Variants in FAM13A observed in about 807,000 individuals in gnomAD.
FAM13A encodes the protein family with sequence similarity 13 member A.
Under a neutral mutation model 129.6 loss-of-function variants are expected in FAM13A, and 76 were observed. That is an observed-to-expected ratio of 0.59 (90% CI 0.49 to 0.71). FAM13A has a LOEUF of 0.71. FAM13A is among the 30% of genes least tolerant of loss of function. FAM13A has a pLI of 0.00. For missense variants in FAM13A, 1,108 were observed against 1,249.3 expected, an observed-to-expected ratio of 0.89 and a Z score of 1.70; for synonymous variants, 443 against 449.9, an observed-to-expected ratio of 0.98 and a Z score of 0.20.
chr4:88,827,506 G>A (rs1175938750), intron 7 of FAM13A, among the ~76,000 whole-genome samples: 1 of 152,154 alleles, frequency 6.6e-6, no homozygotes, highest in African/African-American at 2.4e-5. Context: ...ATAGTTAAGT[G>A]CTCAATAATT....
In FAM13A at chr4:89,057,166, T is replaced by TGGAA. The variant is rs1772297400; in HGVS notation, c.-206_-203dup. On this transcript the variant is annotated 5_prime_UTR_variant, in exon 1 of 24. Coordinates refer to ENST00000264344, the MANE Select transcript of FAM13A (RefSeq NM_014883.4). ...TCTCTTTCCGCTGAACCCACATGGCTGGAAGGACTGCCTGGAGTTGAAATT... is the reference window on the plus strand; with the variant it reads ...TCTCTTTCCGCTGAACCCACATGGCTGGAAGGAAGGACTGCCTGGAGTTGAAATT... 9 of 1,421,894 alleles carry TGGAA rather than the reference T, an allele frequency of 6.3e-6. No homozygotes were observed. Among genetic ancestry groups the TGGAA allele is most frequent in the Non-Finnish European group, 8.3e-6 (9 of 1,089,660 alleles). The allele number at this position is 1,421,894 out of a possible 1,614,324, so 88.1% of individuals were successfully genotyped here. A position where few individuals can be genotyped will look rare whatever the true frequency, so the allele number is the denominator to read the frequency against.
chr4:88,766,577 T>A (rs561260403), intron 13 of FAM13A, among the ~76,000 whole-genome samples: 4 of 152,338 alleles, frequency 2.6e-5, no homozygotes, highest in East Asian at 3.9e-4. Flanking sequence ...GCACATTTTT[T>A]AATGATAATA....
At chr4:89,045,624 C>G (rs1353415733) in intron 1 of FAM13A, among the ~76,000 whole-genome samples, 2 of 152,172 alleles carry the variant, frequency 1.3e-5, no homozygotes, top group Non-Finnish European at 2.9e-5. Context: ...AAGCAAAAAT[C>G]ATGCACTATG....
At chr4:88,872,113 C>T (rs1314202667) in intron 6 of FAM13A, among the ~76,000 whole-genome samples, 2 of 152,136 alleles carry the variant, frequency 1.3e-5, no homozygotes, top group Non-Finnish European at 2.9e-5. Flanking sequence ...TTTGTCACCA[C>T]CAGGCCTGCC....
intron 6 of FAM13A, among the ~76,000 whole-genome samples, chr4:88,876,948 A>G (rs1484157786): frequency 6.6e-6 from 1 of 152,214 alleles, no homozygotes; most frequent in Non-Finnish European, 1.5e-5. Flanking sequence ...ATTAATTCAC[A>G]TAGCTACTTA....
At chr4:88,731,061 AG>A (rs1459604763) in intron 23 of FAM13A, among the ~76,000 whole-genome samples, 2 of 152,222 alleles carry the variant, frequency 1.3e-5, no homozygotes, top group Non-Finnish European at 2.9e-5. Context: ...TTGATGGGAC[AG>A]GTTCATTTCA....
chr4:88,848,317 T>C (rs181038745), intron 7 of FAM13A, among the ~76,000 whole-genome samples: 227 of 152,276 alleles, frequency 1.5e-3, no homozygotes, highest in African/African-American at 5.1e-3. Context: ...GGCCAGCTGG[T>C]CTCTGGATTC....
chr4:88,944,391 T>C (rs1305293416), intron 4 of FAM13A, among the ~76,000 whole-genome samples: 1 of 152,210 alleles, frequency 6.6e-6, no homozygotes, highest in Middle Eastern at 3.2e-3. Context: ...TATAACATCA[T>C]GTAACTGGAA....
intron 4 of FAM13A, among the ~76,000 whole-genome samples, chr4:88,946,044 T>C (rs1270439508): frequency 7.7e-6 from 1 of 129,160 alleles, no homozygotes. Context: ...TCAGCTGTTC[T>C]AGCTTGCTCT....
intron 4 of FAM13A, among the ~76,000 whole-genome samples, chr4:88,963,117 T>A (rs914023272): frequency 6.6e-6 from 1 of 152,106 alleles, no homozygotes; most frequent in African/African-American, 2.4e-5. Flanking sequence ...TTTATGAAAC[T>A]AATGTTACTT....
chr4:88,887,530 C>CTTTTTTTTTTT (rs33953927), intron 6 of FAM13A, among the ~76,000 whole-genome samples: 1 of 128,756 alleles, frequency 7.8e-6, no homozygotes. Context: ...ACCTTTCTTT[C>CTTTTTTTTTTT]TTTCTTTTTT....
At chr4:88,772,944 T>C (rs766959022) in intron 11 of FAM13A, among the ~76,000 whole-genome samples, 4 of 152,178 alleles carry the variant, frequency 2.6e-5, no homozygotes, top group Non-Finnish European at 5.9e-5. Context: ...AGGAGACTGA[T>C]ATAAGTTAGA....
In FAM13A at chr4:89,020,463, G is replaced by GA; in HGVS notation, c.423dup (p.Gln142SerfsTer6). ...TAAAAGGATTTATTGTACTAACCCT[G>GA]AAAGAGTTGAATGAATCGAGGCTGC... On this transcript the variant is annotated frameshift_variant, in exon 3 of 24. Coordinates refer to ENST00000264344, the MANE Select transcript of FAM13A (RefSeq NM_014883.4). LOFTEE classifies it high-confidence loss of function. The GA allele has an allele frequency of 6.2e-7, 1 of 1,612,088 alleles. No individual in the cohort carries two copies. Among genetic ancestry groups the GA allele is most frequent in the Non-Finnish European group, 8.5e-7 (1 of 1,178,262 alleles).
At chr4:89,053,262 A>G (rs1281708133) in intron 1 of FAM13A, among the ~76,000 whole-genome samples, 2 of 152,166 alleles carry the variant, frequency 1.3e-5, no homozygotes, top group Non-Finnish European at 1.5e-5. Context: ...TTTGCCATAC[A>G]TCTTTCCATG....
chr4:89,022,321 C>T (rs1393439209), intron 2 of FAM13A, among the ~76,000 whole-genome samples: 1 of 151,888 alleles, frequency 6.6e-6, no homozygotes, highest in African/African-American at 2.4e-5. Flanking sequence ...AAAAATCAAT[C>T]CTGAGAAAAA....
intron 13 of FAM13A, among the ~76,000 whole-genome samples, chr4:88,759,657 A>G (rs1189378282): frequency 6.6e-6 from 1 of 152,048 alleles, no homozygotes; most frequent in Non-Finnish European, 1.5e-5. Flanking sequence ...TGCATAATTC[A>G]TGTCTTACAA....
chr4:88,731,641 C>A, intron 22 of FAM13A: 1 of 553,082 alleles, frequency 1.8e-6, no homozygotes, highest in Non-Finnish European at 3.2e-6. Flanking sequence ...GTTCCTGCTA[C>A]TTGGGAATTC....
rs1738189407 is a variant in FAM13A, at chr4:88,733,038, ACTAT to A, written c.2647-844_2647-841del. On this transcript the variant is annotated intron_variant, in intron 21 of 23. Coordinates refer to ENST00000264344, the MANE Select transcript of FAM13A (RefSeq NM_014883.4). ...GTAGTCAGACCACAGAGAATAACTT[ACTAT>A]CCTAAAAAATTTAAAAATTGGTTCG... 2.6e-5 allele frequency among the ~76,000 whole-genome samples: 4 copies of A among 152,328 alleles called. No individual in the cohort carries two copies. The South Asian group carries it at 8.3e-4, about 32-fold the overall frequency.
At chr4:88,889,669 G>A (rs1223940478) in intron 6 of FAM13A, among the ~76,000 whole-genome samples, 1 of 152,132 alleles carries the variant, frequency 6.6e-6, no homozygotes, top group African/African-American at 2.4e-5. Context: ...CTTCTGTGCT[G>A]TGGCGGTTAT....
Sources: allele counts gnomAD v4.1 joint callset (sites outside exome capture counted in the v4.1 genomes callset), GRCh38; gene constraint gnomAD v4.1.1; transcripts MANE v1.5; gene names NCBI Gene and HGNC (gene_info 2026-07-23, HGNC 2026-07-21).